ZNF469: variants seen among roughly 807,000 people sequenced by gnomAD.
ZNF469 encodes zinc finger protein 469.
A neutral mutation model predicts 1.0 loss-of-function variants in ZNF469; 1 was observed. The ratio of observed to expected loss-of-function variants is 1.00; its 90% confidence interval spans 0.35 to 4.73. The LOEUF is 4.73. Ranked by LOEUF, ZNF469 falls within the 30% of genes most tolerant of loss-of-function variation. ZNF469 has a pLI of 0.16. For missense variants in ZNF469, 6,100 were observed against 5,356.3 expected, an observed-to-expected ratio of 1.14 and a Z score of -4.33; for synonymous variants, 2,703 against 2,363.4, an observed-to-expected ratio of 1.14 and a Z score of -4.17.
chr16:88,224,349 C>T, the ZNF469 span, among the ~76,000 whole-genome samples: 1 of 152,232 alleles, frequency 6.6e-6, no homozygotes. Flanking sequence ...CGGGGCCCCG[C>T]AGGTGGTGAG....
the ZNF469 span, among the ~76,000 whole-genome samples, chr16:88,317,616 C>T: frequency 1.3e-5 from 2 of 152,330 alleles, no homozygotes; most frequent in East Asian, 1.9e-4. Flanking sequence ...CAGTGCCCGC[C>T]GGCAGCCGCC....
Position 88,385,344 on chromosome 16 carries a change from A to G in ZNF469, c.-192+2090A>G, listed in dbSNP as rs183052447. ...CTCCCTTCCGGTTCTGACTCCTACT[A>G]ATAATTCAGTTACCAGCCGGGGATG... On this transcript the variant is annotated intron_variant, in intron 1 of 2. Coordinates refer to ENST00000565624, the MANE Select transcript of ZNF469 (RefSeq NM_001367624.2). 7.2e-4 allele frequency among the ~76,000 whole-genome samples: 109 copies of G among 152,058 alleles called. 2 individuals carry two copies. The highest frequency in any genetic ancestry group is 3.3e-4 in the Admixed American group (5 of 15,282).
chr16:88,398,338 G>GTGAAGGGACACGTGAGCCACGGA (rs1567500652), intron 1 of ZNF469, among the ~76,000 whole-genome samples: 1 of 151,808 alleles, frequency 6.6e-6, no homozygotes, highest in Non-Finnish European at 1.5e-5. Context: ...TGAGCCACGG[G>GTGAAGGGACACGTGAGCCACGGA]TGAAGGGACA....
rs984915383 is a variant in ZNF469 at position 88,408,783 on chromosome 16, G to A, written c.-191-16024G>A. Among the ~76,000 whole-genome samples the A allele has an allele frequency of 8.5e-5, 13 of 152,226 alleles. 1 individual carries two copies. The highest frequency in any genetic ancestry group is 1.6e-4 in the Non-Finnish European group (11 of 68,040). ...CCCCAGCTGGCCCGAGAGAGGGGCC[G>A]CCTGTGCCCGGCACCCAATGCACCA... On this transcript the variant is annotated intron_variant, in intron 1 of 2. Coordinates refer to ENST00000565624, the MANE Select transcript of ZNF469 (RefSeq NM_001367624.2).
Position 88,430,491 on chromosome 16 carries a change from CCCCGCGCCCCGGGT to C in ZNF469, c.3026_3039del (p.Ala1009GlufsTer72). ...CGCAGGCCCCCGGGAGCCGCGCAGA[CCCCGCGCCCCGGGT>C]CCCGAGAGCCGCCGCCCTCCCCGAG... is the stretch of plus-strand genomic sequence containing the variant. On this transcript the variant is annotated frameshift_variant, in exon 3 of 3. Coordinates refer to ENST00000565624, the MANE Select transcript of ZNF469 (RefSeq NM_001367624.2). LOFTEE classifies it low-confidence loss of function (END_TRUNC). 3 of 1,421,292 alleles carry C rather than the reference CCCCGCGCCCCGGGT, an allele frequency of 2.1e-6. No individual in the cohort carries two copies. The highest frequency in any genetic ancestry group is 2.7e-6 in the Non-Finnish European group (3 of 1,098,462). 88.0% of individuals were successfully genotyped at this position (1,421,292 alleles called of 1,614,324 possible).
At chr16:88,291,698 C>T in the ZNF469 span, among the ~76,000 whole-genome samples, 3 of 151,950 alleles carry the variant, frequency 2.0e-5, no homozygotes, top group Admixed American at 1.3e-4. Flanking sequence ...CGTGCGGAAG[C>T]ACTTCTCATG....
At position 88,439,350 on chromosome 16, in the gene ZNF469, C is replaced by G; in HGVS notation, c.*18C>G. On this transcript the variant is annotated 3_prime_UTR_variant, in exon 3 of 3. Transcript: ENST00000565624. ...CCGAGTAATTTCTAGGAGCAAGAGC[C>G]TGGGACCGGAGCTGGGCGTTCCTGT... 1 of 1,550,106 alleles carries G rather than the reference C, an allele frequency of 6.5e-7. No individual in the cohort carries two copies. The highest frequency in any genetic ancestry group is 1.4e-5 in the African/African-American group (1 of 73,192).
the ZNF469 span, among the ~76,000 whole-genome samples, chr16:88,172,540 C>G: frequency 1.3e-5 from 2 of 152,154 alleles, no homozygotes; most frequent in African/African-American, 4.8e-5. Context: ...AGGAGTACAA[C>G]AAAAGCCAGA....
chr16:88,285,977 C>T, the ZNF469 span, among the ~76,000 whole-genome samples: 1 of 152,256 alleles, frequency 6.6e-6, no homozygotes, highest in Non-Finnish European at 1.5e-5. Context: ...TGCTCAGCCC[C>T]CATCGGACCC....
At chr16:88,118,065 C>A in the ZNF469 span, among the ~76,000 whole-genome samples, 1 of 152,252 alleles carries the variant, frequency 6.6e-6, no homozygotes, top group African/African-American at 2.4e-5. Context: ...GACTCAGCCT[C>A]CCCAGTAGCT....
At position 88,383,321 on chromosome 16, in the gene ZNF469, G is replaced by A. The variant is rs551915694; in HGVS notation, c.-192+67G>A. 8.4e-3 allele frequency among the ~76,000 whole-genome samples: 1,245 copies of A among 147,612 alleles called. 7 individuals carry two copies. The highest frequency in any genetic ancestry group is 0.014 in the Middle Eastern group (4 of 290). On this transcript the variant is annotated intron_variant, in intron 1 of 2. Transcript: ENST00000565624. ...GACCCCGGGCTGGAACGCGGGGCGG[G>A]GGTGTCACCGGGCTGCGCGGGGGTC...
rs1567515691 is a variant in ZNF469, at chr16:88,436,229, T to TCTG, written c.8761_8763dup (p.Cys2921dup). The TCTG allele has an allele frequency of 6.5e-7, 1 of 1,549,288 alleles. No homozygotes were observed. The highest frequency in any genetic ancestry group is 8.7e-7 in the Non-Finnish European group (1 of 1,146,870). ...CTCAGCGACTCCAGCTCCCTCTGCC[T>TCTG]CTGCCATGAGGACCCGTGGGAGGAC... On this transcript the variant is annotated inframe_insertion, in exon 3 of 3. Transcript: ENST00000565624.
the ZNF469 span, among the ~76,000 whole-genome samples, chr16:88,288,808 G>T: frequency 5.3e-5 from 8 of 151,904 alleles, no homozygotes; most frequent in Non-Finnish European, 1.5e-5. Flanking sequence ...AATATAAAAG[G>T]ATGACAAATA....
the ZNF469 span, among the ~76,000 whole-genome samples, chr16:88,317,822 G>T: frequency 4.2e-4 from 64 of 152,334 alleles, no homozygotes; most frequent in African/African-American, 1.5e-3. Flanking sequence ...ATCTGGTTCT[G>T]TTTAAGGATT....
chr16:88,321,165 C>T, the ZNF469 span, among the ~76,000 whole-genome samples: 11 of 152,354 alleles, frequency 7.2e-5, no homozygotes, highest in Admixed American at 1.3e-4. Context: ...CTGTCCTGGG[C>T]GAGGCGCCAA....
chr16:88,418,103 C>T (rs978313119), intron 1 of ZNF469, among the ~76,000 whole-genome samples: 10 of 152,302 alleles, frequency 6.6e-5, no homozygotes, highest in Middle Eastern at 3.4e-3. Context: ...GGACTCTACC[C>T]GGGCTCCTGA....
chr16:88,228,720 G>A, the ZNF469 span, among the ~76,000 whole-genome samples: 13 of 152,228 alleles, frequency 8.5e-5, no homozygotes, highest in African/African-American at 2.9e-4. Context: ...GTTTCCTTCC[G>A]GCCTTGCTTT....
chr16:88,249,234 A>AG, the ZNF469 span, among the ~76,000 whole-genome samples: 230 of 149,774 alleles, frequency 1.5e-3, no homozygotes, highest in African/African-American at 5.0e-3. Context: ...TTTAAAAAAA[A>AG]AAAGAAAGAA....
the ZNF469 span, among the ~76,000 whole-genome samples, chr16:88,208,768 C>CAT: frequency 9.2e-5 from 9 of 98,128 alleles, no homozygotes; most frequent in African/African-American, 2.8e-4. Context: ...ATAGTAAATG[C>CAT]GCGTGCGCGC....
Sources: allele counts gnomAD v4.1 joint callset (sites outside exome capture counted in the v4.1 genomes callset), GRCh38; gene constraint gnomAD v4.1.1; transcripts MANE v1.5; gene names NCBI Gene and HGNC (gene_info 2026-07-23, HGNC 2026-07-21).